PRH1: variants seen among roughly 807,000 people sequenced by gnomAD.
PRH1 encodes salivary acidic proline-rich phosphoprotein 1/2.
PRH1 carries 7 observed loss-of-function variants against 7.9 expected under a neutral mutation model. The ratio of observed to expected loss-of-function variants is 0.89; its 90% CI spans 0.50 to 1.67. The LOEUF is 1.67. Ranked by LOEUF, PRH1 falls within the 40% of genes most tolerant of loss-of-function variation. PRH1 has a pLI of 0.00. For synonymous variants in PRH1, 45 were observed against 80.8 expected (o/e 0.56, Z 2.38); for missense variants, 109 against 223.6 (o/e 0.49, Z 3.27).
At chr12:10,929,334 G>T (rs748600441) in intron 2 of PRH1, 9 of 1,614,040 alleles carry the variant, frequency 5.6e-6, no homozygotes, top group South Asian at 4.4e-5. Flanking sequence ...GGACTTAGAT[G>T]AAGGTAAGCC....
chr12:10,939,607 TG>T (rs1222572572), intron 2 of PRH1, among the ~76,000 whole-genome samples: 1 of 150,582 alleles, frequency 6.6e-6, no homozygotes, highest in Non-Finnish European at 1.5e-5. Context: ...AATTGAGTTC[TG>T]GGGAAGTATC....
At chr12:11,033,218 T>G (rs927584960) in intron 1 of PRH1, among the ~76,000 whole-genome samples, 7 of 151,972 alleles carry the variant, frequency 4.6e-5, no homozygotes, top group African/African-American at 1.7e-4. Flanking sequence ...AATACAAAAA[T>G]TAGCAGGGCA....
At position 10,881,033 on chromosome 12, in the gene PRH1, C is replaced by T; in HGVS notation, c.*42G>A. 1 of 192,692 alleles carries T rather than the reference C, an allele frequency of 5.2e-6. No homozygotes were observed. Among genetic ancestry groups the T allele is most frequent in the Non-Finnish European group, 1.2e-5 (1 of 83,636 alleles). The allele number at this position is 192,692 out of a possible 1,614,324, so 11.9% of individuals were successfully genotyped here. A position where few individuals can be genotyped will look rare whatever the true frequency, so the allele number is the denominator to read the frequency against. ...ATGCCATGTTTCACGGCATTTGAAA[C>T]ACTGTTATCTTCTTATTCACTTCCT... On this transcript the variant is annotated 3_prime_UTR_variant, in exon 4 of 4. Transcript: ENST00000543626.
intron 2 of PRH1, among the ~76,000 whole-genome samples, chr12:10,929,991 T>G (rs913185121): frequency 1.3e-5 from 2 of 152,176 alleles, no homozygotes; most frequent in African/African-American, 4.8e-5. Context: ...ATTGAAATAC[T>G]CAAGAGCCCT....
At chr12:11,023,010 A>G (rs1181264147) in intron 1 of PRH1, among the ~76,000 whole-genome samples, 1 of 152,204 alleles carries the variant, frequency 6.6e-6, no homozygotes, top group Non-Finnish European at 1.5e-5. Context: ...CAATACATAT[A>G]TCATATAGTA....
chr12:10,908,563 G>A (rs1481188336), intron 2 of PRH1: 1 of 1,613,942 alleles, frequency 6.2e-7, no homozygotes, highest in African/African-American at 1.3e-5. Context: ...AGAACACATA[G>A]AAAGAAACTA....
rs757456465 is a variant in PRH1, at chr12:10,909,228, T to A, written c.-58-24953A>T. 29 of 1,613,642 alleles carry A rather than the reference T, an allele frequency of 1.8e-5. No homozygotes were observed. Among genetic ancestry groups the A allele is most frequent in the Non-Finnish European group, 2.5e-5 (29 of 1,179,830 alleles). ...GCAGTTGATCAGTACTATAAATCCA[T>A]TGCTCAAATTCCCAATTATGAATTC... is the stretch of plus-strand genomic sequence containing the variant. On this transcript the variant is annotated intron_variant, in intron 2 of 3. Transcript: ENST00000539853.
At chr12:10,935,715 G>A (rs889475574) in intron 2 of PRH1, among the ~76,000 whole-genome samples, 3 of 152,072 alleles carry the variant, frequency 2.0e-5, no homozygotes, top group Non-Finnish European at 4.4e-5. Flanking sequence ...TAAACAACAC[G>A]GTGGAGTTAA....
intron 2 of PRH1, among the ~76,000 whole-genome samples, chr12:10,920,426 C>T (rs1950029843): frequency 6.6e-6 from 1 of 152,054 alleles, no homozygotes; most frequent in Non-Finnish European, 1.5e-5. Context: ...TCAAATCCTT[C>T]ACTAAAGTAT....
At chr12:11,051,659 T>C (rs889546308), upstream of PRH1, among the ~76,000 whole-genome samples, 2 of 152,216 alleles carry the variant, frequency 1.3e-5, no homozygotes, top group African/African-American at 2.4e-5. Context: ...AAAATTTTTC[T>C]TTATACTTTA....
intron 1 of PRH1, among the ~76,000 whole-genome samples, chr12:11,169,826 T>C (rs558396620): frequency 9.8e-5 from 15 of 152,328 alleles, no homozygotes; most frequent in African/African-American, 3.1e-4. Flanking sequence ...AAGTGCTACC[T>C]CGCTGGAGTG....
intron 2 of PRH1, among the ~76,000 whole-genome samples, chr12:10,929,827 T>C (rs1950177680): frequency 6.6e-6 from 1 of 152,132 alleles, no homozygotes; most frequent in Admixed American, 6.6e-5. Flanking sequence ...TTGTCATTTT[T>C]TTCTCTCCTG....
At chr12:10,936,121 C>T (rs1950284081) in intron 2 of PRH1, among the ~76,000 whole-genome samples, 1 of 151,922 alleles carries the variant, frequency 6.6e-6, no homozygotes, top group Admixed American at 6.6e-5. Context: ...TCTGCTATTG[C>T]TCTCCTATCC....
chr12:10,970,350 G>A (rs558787967), intron 2 of PRH1, among the ~76,000 whole-genome samples: 31 of 151,948 alleles, frequency 2.0e-4, no homozygotes, highest in Non-Finnish European at 4.0e-4. Context: ...ATAATCATCC[G>A]TATAATTTAA....
intron 2 of PRH1, chr12:10,964,291 C>A (rs1369557293): frequency 2.6e-5 from 4 of 153,752 alleles, no homozygotes; most frequent in Admixed American, 2.6e-4. Flanking sequence ...AGGTAAAAGA[C>A]TTTTCTAGAT....
At chr12:11,157,940 C>A (rs894139848) in intron 1 of PRH1, among the ~76,000 whole-genome samples, 5 of 152,146 alleles carry the variant, frequency 3.3e-5, no homozygotes, top group African/African-American at 1.2e-4. Context: ...CTGGAGAAAA[C>A]AACAATTCTT....
intron 1 of PRH1, among the ~76,000 whole-genome samples, chr12:11,019,217 TC>T (rs1328398602): frequency 6.6e-6 from 1 of 152,292 alleles, no homozygotes; most frequent in Non-Finnish European, 1.5e-5. Flanking sequence ...TGTTGTGGCT[TC>T]CCCTTGTAAC....
intron 1 of PRH1, among the ~76,000 whole-genome samples, chr12:11,087,524 T>C (rs1355375542): frequency 8.6e-6 from 1 of 116,864 alleles, no homozygotes; most frequent in African/African-American, 2.9e-5. Flanking sequence ...GCATGGCAGC[T>C]GGCAGGACAC....
intron 1 of PRH1, among the ~76,000 whole-genome samples, chr12:11,071,923 G>A (rs1944088310): frequency 6.6e-6 from 1 of 152,152 alleles, no homozygotes; most frequent in African/African-American, 2.4e-5. Flanking sequence ...CAAAGGTGAA[G>A]TGGTACACTT....
Sources: gnomAD v4.1 joint callset for allele counts (sites outside exome capture counted in the v4.1 genomes callset) on GRCh38, gnomAD v4.1.1 for gene constraint, MANE v1.5 for transcripts, NCBI Gene and HGNC (gene_info 2026-07-23, HGNC 2026-07-21) for gene names.